Variants in ZNF618 observed in about 807,000 individuals in gnomAD.
The protein encoded by ZNF618 is neural precursor cell expressed, developmentally down-regulated 10.
A neutral mutation model predicts 103.0 loss-of-function variants in ZNF618; 34 were observed. The observed-to-expected ratio is 0.33, with a 90% CI of 0.25 to 0.44. ZNF618 has a LOEUF of 0.44. ZNF618 is among the 20% of genes least tolerant of loss of function. ZNF618 has a pLI of 1.00. For missense variants in ZNF618, 1,059 were observed against 1,295.4 expected, an observed-to-expected ratio of 0.82 and a Z score of 2.80; for synonymous variants, 551 against 542.2, an observed-to-expected ratio of 1.02 and a Z score of -0.23.
At chr9:113,921,011 G>C (rs1832590865) in intron 1 of ZNF618, among the ~76,000 whole-genome samples, 1 of 152,248 alleles carries the variant, frequency 6.6e-6, no homozygotes, top group Admixed American at 6.5e-5. Context: ...CGCTCCATCA[G>C]GTTAGGGGCA....
intron 9 of ZNF618, among the ~76,000 whole-genome samples, chr9:114,014,611 A>G (rs999824645): frequency 6.6e-6 from 1 of 152,262 alleles, no homozygotes; most frequent in Non-Finnish European, 1.5e-5. Flanking sequence ...CTTCAGGTAC[A>G]TGTAAACAAA....
intron 1 of ZNF618, among the ~76,000 whole-genome samples, chr9:113,954,658 C>G (rs779533333): frequency 6.6e-6 from 1 of 152,200 alleles, no homozygotes; most frequent in Non-Finnish European, 1.5e-5. Context: ...CTGGAGTTTC[C>G]TATCTGAACT....
intron 2 of ZNF618, among the ~76,000 whole-genome samples, chr9:113,971,383 G>A (rs1837947809): frequency 6.6e-6 from 1 of 152,066 alleles, no homozygotes; most frequent in Non-Finnish European, 1.5e-5. Flanking sequence ...TCAGTGCTAT[G>A]CCCAAGTGAG....
intron 1 of ZNF618, among the ~76,000 whole-genome samples, chr9:113,962,895 C>A (rs962427036): frequency 6.6e-6 from 1 of 152,196 alleles, no homozygotes; most frequent in African/African-American, 2.4e-5. Flanking sequence ...GCGTCTCCCC[C>A]CACTTGAATG....
intron 1 of ZNF618, among the ~76,000 whole-genome samples, chr9:113,903,564 C>G (rs934816801): frequency 2.0e-5 from 3 of 151,782 alleles, no homozygotes; most frequent in African/African-American, 7.3e-5. Context: ...TTTTGATATT[C>G]CCAGTTTTCT....
At chr9:113,975,768 T>A (rs1283739216) in intron 2 of ZNF618, among the ~76,000 whole-genome samples, 2 of 152,200 alleles carry the variant, frequency 1.3e-5, no homozygotes, top group Non-Finnish European at 2.9e-5. Context: ...TGCTAGTCAA[T>A]GAACAGTATG....
In ZNF618 at chr9:114,027,108, TA is replaced by T. The variant is rs35190576; in HGVS notation, c.845-1614del. On this transcript the variant is annotated intron_variant, in intron 10 of 14. Transcript: ENST00000374126. ...GAATGTGTCGGTTCATTCTGTGGGT[TA>T]AAAAAAAAAATTGGAAATTATGAGA... is the stretch of plus-strand genomic sequence containing the variant. Among the ~76,000 whole-genome samples the T allele has an allele frequency of 7.2e-3, 1,080 of 149,646 alleles. 18 individuals carry two copies. The highest frequency in any genetic ancestry group is 0.024 in the African/African-American group (994 of 40,864).
At chr9:114,025,317 C>A (rs1190159198) in intron 10 of ZNF618, among the ~76,000 whole-genome samples, 6 of 152,242 alleles carry the variant, frequency 3.9e-5, no homozygotes, top group African/African-American at 1.2e-4. Context: ...AACCCCCTGG[C>A]CTCTCCACTC....
At chr9:114,010,505 G>T (rs35794395) in intron 9 of ZNF618, among the ~76,000 whole-genome samples, 34,770 of 151,904 alleles carry the variant, frequency 0.23, 4,911 homozygotes, top group Middle Eastern at 0.41. Context: ...AGGAGATTGA[G>T]ACCATCCTGG....
intron 1 of ZNF618, among the ~76,000 whole-genome samples, chr9:113,889,574 G>A (rs1829431889): frequency 6.6e-6 from 1 of 152,190 alleles, no homozygotes; most frequent in African/African-American, 2.4e-5. Context: ...TCAGAGGGCA[G>A]GACATCAACT....
chr9:113,915,565 A>G (rs1831990291), intron 1 of ZNF618, among the ~76,000 whole-genome samples: 1 of 152,210 alleles, frequency 6.6e-6, no homozygotes, highest in South Asian at 2.1e-4. Flanking sequence ...AAAGGTAGAA[A>G]GATTCTAATT....
chr9:114,031,313 A>C (rs1186045303), intron 11 of ZNF618, among the ~76,000 whole-genome samples: 1 of 151,988 alleles, frequency 6.6e-6, no homozygotes, highest in African/African-American at 2.4e-5. Flanking sequence ...CTCTCAGCCC[A>C]GGCATTTCAC....
intron 1 of ZNF618, among the ~76,000 whole-genome samples, chr9:113,935,844 C>T (rs997023066): frequency 4.6e-5 from 7 of 152,128 alleles, no homozygotes; most frequent in Admixed American, 3.9e-4. Context: ...GCTCCTAAGG[C>T]GGATTTGGGG....
chr9:113,889,317 ATCTC>A lies in ZNF618; in HGVS notation c.33+12930_33+12933del, dbSNP rs10627696. Among the ~76,000 whole-genome samples, 406 of 139,326 alleles carry A rather than the reference ATCTC, an allele frequency of 2.9e-3. 2 individuals carry two copies. Among genetic ancestry groups the A allele is most frequent in the East Asian group, 0.012 (43 of 3,738 alleles). The allele number at this position is 139,326 out of a possible 152,430, so 91.4% of individuals were successfully genotyped here. ...TCCTTGGCCCTGTCTCCCCGCTACC[ATCTC>A]TCTCTCTCTCTCTCTCTCTCTCTCT... On this transcript the variant is annotated intron_variant, in intron 1 of 14. Transcript: ENST00000374126.
chr9:113,918,140 T>A (rs1031995632), intron 1 of ZNF618, among the ~76,000 whole-genome samples: 1 of 152,184 alleles, frequency 6.6e-6, no homozygotes, highest in Admixed American at 6.5e-5. Context: ...TATAGAATGC[T>A]CCTCCTGGAT....
chr9:113,947,204 C>T (rs1335080149), intron 1 of ZNF618, among the ~76,000 whole-genome samples: 1 of 152,192 alleles, frequency 6.6e-6, no homozygotes, highest in African/African-American at 2.4e-5. Context: ...ATCCTTTCTA[C>T]ACTGGTTGGC....
At chr9:113,971,444 C>G (rs529549297) in intron 2 of ZNF618, among the ~76,000 whole-genome samples, 63 of 152,294 alleles carry the variant, frequency 4.1e-4, no homozygotes, top group African/African-American at 1.5e-3. Flanking sequence ...AGCACCTGCT[C>G]TGGTAGGCCC....
intron 3 of ZNF618, among the ~76,000 whole-genome samples, chr9:113,990,703 T>C (rs1839973740): frequency 6.6e-6 from 1 of 152,094 alleles, no homozygotes; most frequent in African/African-American, 2.4e-5. Flanking sequence ...TTAATTCCGC[T>C]CACAGTCATT....
chr9:113,979,918 A>C (rs952120713), intron 2 of ZNF618, among the ~76,000 whole-genome samples: 10 of 152,196 alleles, frequency 6.6e-5, no homozygotes, highest in Admixed American at 4.6e-4. Context: ...TCCAGTGTGG[A>C]TTCCAGGGCA....
Sources: allele counts gnomAD v4.1 joint callset (sites outside exome capture counted in the v4.1 genomes callset), GRCh38; gene constraint gnomAD v4.1.1; transcripts MANE v1.5; gene names NCBI Gene and HGNC (gene_info 2026-07-23, HGNC 2026-07-21).